The following DNM3 variants were observed in gnomAD, a reference collection of about 807,000 sequenced individuals.
DNM3 encodes the protein dynamin 3.
A neutral mutation model predicts 101.6 loss-of-function variants in DNM3; 47 were observed. That is an observed-to-expected ratio of 0.46 (90% CI 0.37 to 0.59). The LOEUF is 0.59. DNM3 is among the 20% of genes least tolerant of loss of function. DNM3 has a pLI of 0.00. For missense variants in DNM3, 849 were observed against 1,085.7 expected (o/e 0.78, Z 3.06); for synonymous variants, 385 against 387.9 (o/e 0.99, Z 0.09).
At chr1:171,996,829 G>A (rs1470603060) in intron 4 of DNM3, among the ~76,000 whole-genome samples, 1 of 152,060 alleles carries the variant, frequency 6.6e-6, no homozygotes, top group African/African-American at 2.4e-5. Flanking sequence ...AGGAGTTCAA[G>A]ACCAGCCTGG....
intron 15 of DNM3, among the ~76,000 whole-genome samples, chr1:172,270,752 A>G (rs1413047329): frequency 6.6e-6 from 1 of 152,168 alleles, no homozygotes; most frequent in Non-Finnish European, 1.5e-5. Context: ...GTCTAACTGT[A>G]GCGAGTTTTT....
intron 1 of DNM3, among the ~76,000 whole-genome samples, chr1:171,849,707 C>T (rs144342865): frequency 1.3e-5 from 2 of 152,096 alleles, no homozygotes; most frequent in East Asian, 3.9e-4. Flanking sequence ...TTTGTATACT[C>T]TTCCCTTCCA....
chr1:172,331,636 C>G (rs1299036282), intron 17 of DNM3, among the ~76,000 whole-genome samples: 1 of 152,120 alleles, frequency 6.6e-6, no homozygotes, highest in Non-Finnish European at 1.5e-5. Flanking sequence ...TATAAAGTGT[C>G]TGGTTCCTAT....
At chr1:172,188,945 C>T (rs116700070) in intron 14 of DNM3, among the ~76,000 whole-genome samples, 574 of 148,236 alleles carry the variant, frequency 3.9e-3, no homozygotes, top group Non-Finnish European at 6.2e-3. Context: ...AACCCAAGTT[C>T]CCCTAGATTT....
intron 17 of DNM3, among the ~76,000 whole-genome samples, chr1:172,375,535 A>C (rs1034413366): frequency 3.9e-5 from 6 of 152,070 alleles, no homozygotes; most frequent in African/African-American, 1.2e-4. Context: ...GACCTGATTT[A>C]CTAAGAAAAA....
intron 2 of DNM3, among the ~76,000 whole-genome samples, chr1:171,926,166 C>CT (rs2040556531): frequency 6.6e-6 from 1 of 152,062 alleles, no homozygotes; most frequent in East Asian, 1.9e-4. Context: ...TGGCTTTGTT[C>CT]TTTTTGCTTA....
chr1:172,177,663 A>AT (rs967819904), intron 14 of DNM3, among the ~76,000 whole-genome samples: 2 of 151,914 alleles, frequency 1.3e-5, no homozygotes, highest in African/African-American at 4.8e-5. Flanking sequence ...GGATGAGACA[A>AT]TAGGAGTAAG....
intron 6 of DNM3, 139 bp from the exon 7 acceptor site, chr1:172,038,180 A>G (rs940064396): frequency 9.2e-7 from 1 of 1,090,158 alleles, no homozygotes; most frequent in Non-Finnish European, 1.3e-6. Context: ...ATAATAGTCA[A>G]TGTCAAATGC....
rs1257458693 is a variant in DNM3, at chr1:171,947,873, A to G, written c.235+26052A>G. Among the ~76,000 whole-genome samples, 3 of 152,242 alleles carry G rather than the reference A, an allele frequency of 2.0e-5. No homozygotes were observed. In the East Asian group the frequency reaches 5.8e-4, roughly 29 times the overall value. The stretch of plus-strand genomic sequence containing the variant: ...CGCAAAGGTCTTTGAATTTTAGCAG[A>G]GAAAATGAGAGGCCGTATATGTTAC... On this transcript the variant is annotated intron_variant, in intron 2 of 20. Transcript: ENST00000627582.
chr1:171,971,949 G>T (rs1185494635), intron 2 of DNM3, among the ~76,000 whole-genome samples: 1 of 152,152 alleles, frequency 6.6e-6, no homozygotes, highest in Non-Finnish European at 1.5e-5. Flanking sequence ...GAGAGATTTT[G>T]CTCTAGAGTG....
chr1:172,227,271 GATATATATATATATAT>G (rs140087796), intron 14 of DNM3, among the ~76,000 whole-genome samples: 5,281 of 78,070 alleles, frequency 0.068, 565 homozygotes, highest in African/African-American at 0.22. Context: ...AGTATTTTGT[GATATATATATATATAT>G]ATATATATAT....
chr1:171,883,490 G>C (rs968676979), intron 1 of DNM3, among the ~76,000 whole-genome samples: 26 of 127,300 alleles, frequency 2.0e-4, no homozygotes, highest in Admixed American at 1.4e-3. Flanking sequence ...TTTTTTTTTT[G>C]AGATGGAGTC....
At chr1:172,327,215 G>A (rs772775828) in intron 17 of DNM3, among the ~76,000 whole-genome samples, 24 of 152,140 alleles carry the variant, frequency 1.6e-4, no homozygotes, top group Non-Finnish European at 2.4e-4. Context: ...TTCCTAACAC[G>A]TTCAGCAAGG....
chr1:172,305,498 T>C (rs551751809), intron 15 of DNM3, among the ~76,000 whole-genome samples: 25 of 152,046 alleles, frequency 1.6e-4, no homozygotes, highest in African/African-American at 6.0e-4. Flanking sequence ...TTCCAATCAA[T>C]AGAAAAAGAG....
chr1:172,404,158 G>T (rs1457855039), intron 20 of DNM3, among the ~76,000 whole-genome samples: 1 of 151,900 alleles, frequency 6.6e-6, no homozygotes, highest in East Asian at 1.9e-4. Context: ...TACATATTTG[G>T]GTTCCTTTAA....
At chr1:172,329,392 C>T (rs1187180501) in intron 17 of DNM3, among the ~76,000 whole-genome samples, 6 of 152,024 alleles carry the variant, frequency 3.9e-5, no homozygotes, top group Non-Finnish European at 5.9e-5. Context: ...TAGTATTTAA[C>T]TTACAGACTA....
At chr1:171,866,693 T>A (rs183437369) in intron 1 of DNM3, among the ~76,000 whole-genome samples, 137 of 152,326 alleles carry the variant, frequency 9.0e-4, no homozygotes, top group Non-Finnish European at 1.5e-3. Flanking sequence ...TTCTTTTTTT[T>A]AAATAACACT....
chr1:172,278,294 G>T (rs1393269539), intron 15 of DNM3, among the ~76,000 whole-genome samples: 1 of 151,942 alleles, frequency 6.6e-6, no homozygotes, highest in African/African-American at 2.4e-5. Flanking sequence ...CCCCTTCAAA[G>T]GGCCATTAGT....
intron 1 of DNM3, among the ~76,000 whole-genome samples, chr1:171,908,119 A>G (rs370184151): frequency 6.6e-6 from 1 of 152,168 alleles, no homozygotes; most frequent in Non-Finnish European, 1.5e-5. Flanking sequence ...TTTCTTTTCC[A>G]TTATGAAAAT....
Sources: gnomAD v4.1 joint callset for allele counts (sites outside exome capture counted in the v4.1 genomes callset) on GRCh38, gnomAD v4.1.1 for gene constraint, MANE v1.5 for transcripts, NCBI Gene and HGNC (gene_info 2026-07-23, HGNC 2026-07-21) for gene names.